Variants in KCNIP4 observed in about 807,000 individuals in gnomAD.
KCNIP4 encodes the protein potassium voltage-gated channel interacting protein 4.
A neutral mutation model predicts 34.0 loss-of-function variants in KCNIP4; 12 were observed. The observed-to-expected ratio is 0.35, with a 90% CI of 0.23 to 0.57. KCNIP4 has a LOEUF of 0.57. Ranked by LOEUF, KCNIP4 falls within the 20% of genes least tolerant of loss-of-function variation. The pLI, the probability that KCNIP4 is intolerant of heterozygous loss-of-function variation, is 0.83. For synonymous variants in KCNIP4, 124 were observed against 102.2 expected (o/e 1.21, Z -1.29); for missense variants, 238 against 311.7 (o/e 0.76, Z 1.78).
intron 1 of KCNIP4, among the ~76,000 whole-genome samples, chr4:21,025,360 C>T (rs1451393277): frequency 6.6e-6 from 1 of 151,778 alleles, no homozygotes; most frequent in African/African-American, 2.4e-5. Context: ...ATTGTCAAAG[C>T]AGTTGGAGCC....
At chr4:21,215,693 T>A (rs981158926) in intron 1 of KCNIP4, among the ~76,000 whole-genome samples, 25 of 151,992 alleles carry the variant, frequency 1.6e-4, no homozygotes, top group Admixed American at 1.4e-3. Context: ...GGGATAAAAA[T>A]CAGAAAAAAG....
intron 1 of KCNIP4, among the ~76,000 whole-genome samples, chr4:21,661,277 T>A (rs1748430286): frequency 6.6e-6 from 1 of 152,166 alleles, no homozygotes; most frequent in African/African-American, 2.4e-5. Flanking sequence ...TGTGACCTGA[T>A]TCTTCCTGGA....
Position 21,250,317 on chromosome 4 carries a change from A to G in KCNIP4, c.62-367608T>C, listed in dbSNP as rs528262541. 2.0e-3 allele frequency among the ~76,000 whole-genome samples: 303 copies of G among 152,200 alleles called. 2 individuals carry two copies. The highest frequency in any genetic ancestry group is 6.8e-3 in the African/African-American group (284 of 41,556). On this transcript the variant is annotated intron_variant, in intron 1 of 8. Transcript: ENST00000382152. ...TCTCCAGACTTGGAAAGTTTAAAAC[A>G]TTATGAAACTTCTTCCTTACAGTTA...
chr4:21,900,575 T>C (rs1727649036), intron 1 of KCNIP4, among the ~76,000 whole-genome samples: 1 of 152,208 alleles, frequency 6.6e-6, no homozygotes, highest in Admixed American at 6.5e-5. Context: ...GGACTTTCCA[T>C]ATTTAGTGGA....
intron 1 of KCNIP4, among the ~76,000 whole-genome samples, chr4:21,533,701 AT>A (rs2108983254): frequency 6.6e-6 from 1 of 152,274 alleles, no homozygotes; most frequent in Admixed American, 6.5e-5. Context: ...TTAGCTAGGT[AT>A]TTTACTTATT....
chr4:21,774,529 G>T (rs1340421024), intron 1 of KCNIP4, among the ~76,000 whole-genome samples: 1 of 152,092 alleles, frequency 6.6e-6, no homozygotes, highest in Non-Finnish European at 1.5e-5. Context: ...CCTGAAATGC[G>T]TTTTCCAGCT....
At chr4:20,799,843 C>T (rs1256487312) in intron 3 of KCNIP4, among the ~76,000 whole-genome samples, 1 of 152,168 alleles carries the variant, frequency 6.6e-6, no homozygotes, top group African/African-American at 2.4e-5. Context: ...TGGAAAATCC[C>T]TTCTTCTCCA....
chr4:20,745,605 T>A (rs951406794), intron 5 of KCNIP4, among the ~76,000 whole-genome samples: 1 of 152,130 alleles, frequency 6.6e-6, no homozygotes, highest in Admixed American at 6.6e-5. Flanking sequence ...TTCCCTAAAG[T>A]ACAAAAAATG....
At chr4:20,919,358 T>C (rs1729153253) in intron 1 of KCNIP4, among the ~76,000 whole-genome samples, 1 of 151,940 alleles carries the variant, frequency 6.6e-6, no homozygotes, top group South Asian at 2.1e-4. Context: ...TTGGGCAGTT[T>C]GTTAGTAGAA....
chr4:21,914,245 T>A (rs1344617565), intron 1 of KCNIP4, among the ~76,000 whole-genome samples: 1 of 152,136 alleles, frequency 6.6e-6, no homozygotes, highest in East Asian at 1.9e-4. Context: ...ATGGTGCCTG[T>A]TAAAGTAGTG....
At chr4:21,540,423 T>A (rs1000021210) in intron 1 of KCNIP4, among the ~76,000 whole-genome samples, 2 of 152,164 alleles carry the variant, frequency 1.3e-5, no homozygotes, top group Non-Finnish European at 2.9e-5. Context: ...ATTGTGAGCA[T>A]GGGTACTTCA....
chr4:21,140,558 ACGCACCC>A, intron 1 of KCNIP4, among the ~76,000 whole-genome samples: 1 of 152,238 alleles, frequency 6.6e-6, no homozygotes, highest in East Asian at 1.9e-4. Flanking sequence ...GTCTCCTCCA[ACGCACCC>A]CGCTATTCTA....
rs578155921 is a variant in KCNIP4, at chr4:21,906,581, C to T, written c.61+41990G>A. ...TCCAGAACTGTGAGAGAATAAATTTCTGTCTGTTAGAAGCCACAAAGTTCA... is the reference window on the plus strand; with the variant it reads ...TCCAGAACTGTGAGAGAATAAATTTTTGTCTGTTAGAAGCCACAAAGTTCA... On this transcript the variant is annotated intron_variant, in intron 1 of 8. Transcript: ENST00000382152. Among the ~76,000 whole-genome samples, 456 of 152,200 alleles carry T rather than the reference C, an allele frequency of 3.0e-3. 2 individuals carry two copies. Among genetic ancestry groups the T allele is most frequent in the Non-Finnish European group, 4.6e-3 (313 of 68,024 alleles).
chr4:20,975,538 G>A (rs892158921), intron 1 of KCNIP4, among the ~76,000 whole-genome samples: 3 of 152,104 alleles, frequency 2.0e-5, no homozygotes, highest in African/African-American at 7.2e-5. Context: ...TTAGGGGAAA[G>A]GAAGTCATTT....
At chr4:21,712,355 A>G (rs1713796960) in intron 1 of KCNIP4, among the ~76,000 whole-genome samples, 2 of 152,294 alleles carry the variant, frequency 1.3e-5, no homozygotes, top group African/African-American at 4.8e-5. Context: ...GTCTACTATT[A>G]TCGGTTCTGT....
intron 1 of KCNIP4, among the ~76,000 whole-genome samples, chr4:21,724,185 T>C (rs1231576180): frequency 2.0e-5 from 3 of 152,074 alleles, no homozygotes; most frequent in East Asian, 1.9e-4. Flanking sequence ...TCACAGAGCA[T>C]AGACAATGAG....
intron 1 of KCNIP4, among the ~76,000 whole-genome samples, chr4:21,116,386 A>G (rs992662475): frequency 6.6e-6 from 1 of 152,056 alleles, no homozygotes; most frequent in Admixed American, 6.6e-5. Flanking sequence ...TCATCCACTC[A>G]TTTATCCAAG....
intron 1 of KCNIP4, among the ~76,000 whole-genome samples, chr4:21,601,108 G>A (rs1743101982): frequency 6.8e-6 from 1 of 146,556 alleles, no homozygotes; most frequent in South Asian, 2.1e-4. Context: ...GTTTTCACAG[G>A]CACCAGTGTC....
In KCNIP4 at chr4:20,938,918, C is replaced by T. The variant is rs1577399122; in HGVS notation, c.62-56209G>A. ...GAAATTTTTGAAATATTATTTTATG[C>T]TTACTTCTATTTCTCATTTCTCATT... On this transcript the variant is annotated intron_variant, in intron 1 of 8. Transcript: ENST00000382152. Among the ~76,000 whole-genome samples the T allele has an allele frequency of 2.6e-5, 4 of 152,246 alleles. No homozygotes were observed. In the South Asian group the frequency reaches 8.3e-4, roughly 32 times the overall value.
Sources: allele counts gnomAD v4.1 joint callset (sites outside exome capture counted in the v4.1 genomes callset), GRCh38; gene constraint gnomAD v4.1.1; transcripts MANE v1.5; gene names NCBI Gene and HGNC (gene_info 2026-07-23, HGNC 2026-07-21).